Variants in GRIP1 observed in about 807,000 individuals in gnomAD.
The protein encoded by GRIP1 is glutamate receptor-interacting protein 1.
Under a neutral mutation model 129.9 loss-of-function variants are expected in GRIP1, and 45 were observed. That is an observed-to-expected ratio of 0.35 (90% confidence interval 0.27 to 0.44). The LOEUF (loss-of-function observed/expected upper bound fraction) is 0.44, where lower values mean the gene tolerates loss of function less well. Among genes scored for constraint, GRIP1 ranks in the 20% least tolerant of loss-of-function variants. GRIP1 has a pLI of 1.00. For synonymous variants in GRIP1, 530 were observed against 520.8 expected, an observed-to-expected ratio of 1.02 and a Z score of -0.24; for missense variants, 1,196 against 1,396.8, an observed-to-expected ratio of 0.86 and a Z score of 2.29.
chr12:66,828,828 TAAGGG>T (rs768817315), intron 1 of GRIP1, among the ~76,000 whole-genome samples: 4 of 152,182 alleles, frequency 2.6e-5, no homozygotes, highest in Non-Finnish European at 5.9e-5. Context: ...AGAATCTCAT[TAAGGG>T]AAGGGATTTA....
At chr12:66,858,703 T>C (rs183161973) in intron 1 of GRIP1, among the ~76,000 whole-genome samples, 18 of 152,086 alleles carry the variant, frequency 1.2e-4, no homozygotes, top group African/African-American at 4.3e-4. Context: ...TCTATCCTCT[T>C]TGCATTTAAA....
intron 1 of GRIP1, among the ~76,000 whole-genome samples, chr12:67,066,911 T>TATATAC (rs1474197671): frequency 0.033 from 4,661 of 140,404 alleles, 93 homozygotes; most frequent in Middle Eastern, 0.048. Context: ...TATATATATA[T>TATATAC]ACACACACAC....
intron 1 of GRIP1, among the ~76,000 whole-genome samples, chr12:66,853,625 T>C (rs781776514): frequency 3.3e-5 from 5 of 152,074 alleles, no homozygotes; most frequent in Non-Finnish European, 7.4e-5. Flanking sequence ...TTTATAAAGA[T>C]ATAAGATTTT....
chr12:67,041,001 C>A (rs2043168737), intron 1 of GRIP1, among the ~76,000 whole-genome samples: 1 of 152,032 alleles, frequency 6.6e-6, no homozygotes, highest in Non-Finnish European at 1.5e-5. Flanking sequence ...TGACCTCCCC[C>A]AAAAGCAAGG....
intron 1 of GRIP1, among the ~76,000 whole-genome samples, chr12:66,830,150 T>A (rs1156456181): frequency 1.3e-5 from 2 of 152,152 alleles, no homozygotes; most frequent in African/African-American, 4.8e-5. Flanking sequence ...TCCACTAACA[T>A]GTTAGTCCCT....
intron 7 of GRIP1, among the ~76,000 whole-genome samples, chr12:66,473,844 C>G (rs951735652): frequency 6.6e-6 from 1 of 152,120 alleles, no homozygotes; most frequent in Non-Finnish European, 1.5e-5. Context: ...ACATCAAAGA[C>G]CAAAGGTAGA....
intron 1 of GRIP1, among the ~76,000 whole-genome samples, chr12:66,851,782 C>T (rs914067606): frequency 6.6e-6 from 1 of 152,078 alleles, no homozygotes; most frequent in Non-Finnish European, 1.5e-5. Context: ...ATCCTCATTT[C>T]TTCATTCTCT....
chr12:66,578,400 T>G lies in GRIP1; in HGVS notation c.136+18447A>C, dbSNP rs573967219. 1.8e-3 allele frequency among the ~76,000 whole-genome samples: 279 copies of G among 152,052 alleles called. 1 individual carries two copies. The highest frequency in any genetic ancestry group is 6.3e-3 in the African/African-American group (261 of 41,480). ...CATCTCACTAGGGAGTGCCAGACAG[T>G]GGGTGCAGGTCAGTGGGTGCAGCGC... On this transcript the variant is annotated intron_variant, in intron 2 of 24. Coordinates refer to ENST00000359742, the MANE Select transcript of GRIP1 (RefSeq NM_001366722.1).
chr12:66,709,888 C>T (rs1187770505), intron 1 of GRIP1, among the ~76,000 whole-genome samples: 1 of 151,890 alleles, frequency 6.6e-6, no homozygotes, highest in African/African-American at 2.4e-5. Context: ...CAGACCTTTG[C>T]TATTTAGGTA....
intron 1 of GRIP1, among the ~76,000 whole-genome samples, chr12:66,723,519 G>T (rs1015942152): frequency 6.6e-6 from 1 of 151,440 alleles, no homozygotes; most frequent in African/African-American, 2.4e-5. Flanking sequence ...CACTATGTTG[G>T]CCAGGTTGGT....
At chr12:66,846,870 T>C (rs1260488432) in intron 1 of GRIP1, among the ~76,000 whole-genome samples, 1 of 152,134 alleles carries the variant, frequency 6.6e-6, no homozygotes, top group Non-Finnish European at 1.5e-5. Flanking sequence ...TACTGTGGTT[T>C]CCATAGGAAA....
intron 24 of GRIP1, 74 bp from the exon 25 acceptor site, chr12:66,349,320 G>C (rs1370679662): frequency 1.6e-6 from 2 of 1,222,100 alleles, no homozygotes; most frequent in East Asian, 4.7e-5. Flanking sequence ...AACATTTCAG[G>C]TGCAACAAGT....
intron 1 of GRIP1, among the ~76,000 whole-genome samples, chr12:66,935,841 G>C (rs1345315824): frequency 3.3e-5 from 5 of 152,162 alleles, no homozygotes; most frequent in Admixed American, 6.5e-5. Context: ...GTTGAAGTAT[G>C]GCTGCTGGGA....
rs181694706 is a variant in GRIP1, at chr12:67,000,768, T to C, written c.58+68282A>G. On this transcript the variant is annotated intron_variant, in intron 1 of 1. Transcript: ENST00000643019. Reference sequence around the variant, plus strand: ...TTTCTGGCATATAGATTTTGGATATTGTGGCTTGACTCTGAATTTTCCCCA... The same window carrying C: ...TTTCTGGCATATAGATTTTGGATATCGTGGCTTGACTCTGAATTTTCCCCA... Among the ~76,000 whole-genome samples the C allele has an allele frequency of 6.2e-4, 94 of 152,340 alleles. No individual in the cohort carries two copies. In the East Asian group the frequency reaches 0.013, roughly 21 times the overall value.
At chr12:66,644,706 G>A (rs570540646) in intron 1 of GRIP1, among the ~76,000 whole-genome samples, 6 of 152,012 alleles carry the variant, frequency 3.9e-5, no homozygotes, top group East Asian at 1.9e-4. Flanking sequence ...TTTATCTTAC[G>A]TAGGACTCTG....
intron 6 of GRIP1, among the ~76,000 whole-genome samples, 186 bp from the exon 7 acceptor site, chr12:66,515,950 T>C (rs1307768739): frequency 6.6e-6 from 1 of 152,114 alleles, no homozygotes; most frequent in African/African-American, 2.4e-5. Context: ...ATTGCTGTAA[T>C]ATGAAAATCA....
intron 1 of GRIP1, among the ~76,000 whole-genome samples, chr12:66,829,405 A>G (rs1283729175): frequency 6.6e-6 from 1 of 152,196 alleles, no homozygotes; most frequent in Non-Finnish European, 1.5e-5. Flanking sequence ...CAGCTCCATG[A>G]AACTGAGTTT....
At chr12:66,989,109 A>C (rs1300112536) in intron 1 of GRIP1, among the ~76,000 whole-genome samples, 1 of 152,208 alleles carries the variant, frequency 6.6e-6, no homozygotes, top group East Asian at 1.9e-4. Flanking sequence ...GAGACTGTGG[A>C]AGACTATACT....
intron 6 of GRIP1, among the ~76,000 whole-genome samples, chr12:66,516,619 G>A (rs541708207): frequency 3.8e-4 from 58 of 152,134 alleles, no homozygotes; most frequent in African/African-American, 1.3e-3. Context: ...TCACAAGCTC[G>A]TAGCCTATGT....
Sources: gnomAD v4.1 joint callset for allele counts (sites outside exome capture counted in the v4.1 genomes callset) on GRCh38, gnomAD v4.1.1 for gene constraint, MANE v1.5 for transcripts, NCBI Gene and HGNC (gene_info 2026-07-23, HGNC 2026-07-21) for gene names.